Variants in EYS observed in about 807,000 individuals in gnomAD.
EYS encodes the protein EGF-like photoreceptor maintenance factor, also known as protein eyes shut homolog.
Under a neutral mutation model 282.1 loss-of-function variants are expected in EYS, and 250 were observed. The ratio of observed to expected loss-of-function variants is 0.89; its 90% CI spans 0.80 to 0.98. EYS has a LOEUF of 0.98. EYS is among the 50% of genes least tolerant of loss of function. The pLI, the probability that EYS is intolerant of heterozygous loss-of-function variation, is 0.00. For missense variants in EYS, 4,016 were observed against 3,709.0 expected, an observed-to-expected ratio of 1.08 and a Z score of -2.15; for synonymous variants, 1,355 against 1,282.9, an observed-to-expected ratio of 1.06 and a Z score of -1.20.
chr6:64,752,763 G>A (rs961758606), intron 22 of EYS, among the ~76,000 whole-genome samples: 2 of 152,084 alleles, frequency 1.3e-5, no homozygotes, highest in East Asian at 1.9e-4. Flanking sequence ...AGAGTAAAGT[G>A]TTTAATCACC....
At chr6:65,290,351 T>G (rs193254600) in intron 12 of EYS, among the ~76,000 whole-genome samples, 1 of 151,252 alleles carries the variant, frequency 6.6e-6, no homozygotes, top group Non-Finnish European at 1.5e-5. Flanking sequence ...GTCTAACTAT[T>G]ATAAGAGAAA....
At chr6:65,035,918 T>C (rs1054453075) in intron 13 of EYS, among the ~76,000 whole-genome samples, 1 of 147,576 alleles carries the variant, frequency 6.8e-6, no homozygotes, top group African/African-American at 2.5e-5. Context: ...ATTATAGTGT[T>C]ATATATTATA....
chr6:63,856,306 C>A (rs1038705555), intron 36 of EYS, among the ~76,000 whole-genome samples: 1 of 152,156 alleles, frequency 6.6e-6, no homozygotes, highest in Non-Finnish European at 1.5e-5. Flanking sequence ...TCAGGAGAGA[C>A]CACTCTGCCT....
At chr6:65,376,848 T>C (rs1197330695) in intron 8 of EYS, among the ~76,000 whole-genome samples, 3 of 152,018 alleles carry the variant, frequency 2.0e-5, no homozygotes, top group Non-Finnish European at 4.4e-5. Flanking sequence ...ATGCACCCAA[T>C]ACAAAAGTGC....
intron 32 of EYS, 45 bp from the exon 33 acceptor site, chr6:64,066,536 T>C (rs966573141): frequency 1.5e-6 from 2 of 1,290,614 alleles, no homozygotes; most frequent in Non-Finnish European, 2.1e-6. Context: ...TAGATTTATA[T>C]TTTATTGGTT....
At chr6:64,734,828 A>G (rs182455706) in intron 22 of EYS, among the ~76,000 whole-genome samples, 102 of 152,282 alleles carry the variant, frequency 6.7e-4, no homozygotes, top group Admixed American at 3.1e-3. Context: ...GATTTTTCTT[A>G]ATTTTAATAT....
chr6:65,045,872 A>T (rs1773086030), intron 13 of EYS, among the ~76,000 whole-genome samples: 1 of 151,834 alleles, frequency 6.6e-6, no homozygotes. Context: ...ACAGCTAGGG[A>T]TGTAGTTGGT....
At chr6:64,247,538 G>A (rs909855807) in intron 30 of EYS, among the ~76,000 whole-genome samples, 5 of 151,956 alleles carry the variant, frequency 3.3e-5, no homozygotes. Flanking sequence ...AACCAAAAAG[G>A]ACTTCTAAAT....
chr6:65,555,401 G>A (rs1458926280), intron 2 of EYS, among the ~76,000 whole-genome samples: 3 of 151,856 alleles, frequency 2.0e-5, no homozygotes, highest in African/African-American at 7.3e-5. Flanking sequence ...GCATATGACT[G>A]CTTAAATGAT....
chr6:65,272,531 A>T (rs964528094), intron 12 of EYS, among the ~76,000 whole-genome samples: 2 of 152,176 alleles, frequency 1.3e-5, no homozygotes, highest in African/African-American at 4.8e-5. Flanking sequence ...ATCATGTTCC[A>T]GAGTCAATTC....
chr6:64,058,330 G>A (rs1771054438), intron 33 of EYS, among the ~76,000 whole-genome samples: 1 of 151,790 alleles, frequency 6.6e-6, no homozygotes, highest in South Asian at 2.1e-4. Context: ...TTATTCTAAA[G>A]AAGTTAATTG....
intron 31 of EYS, among the ~76,000 whole-genome samples, chr6:64,101,289 T>C (rs904775293): frequency 6.6e-6 from 1 of 152,158 alleles, no homozygotes; most frequent in African/African-American, 2.4e-5. Flanking sequence ...TTTTGAAGAT[T>C]GTGTAGATTA....
At chr6:64,512,032 GC>G (rs1412795438) in intron 26 of EYS, among the ~76,000 whole-genome samples, 1 of 151,866 alleles carries the variant, frequency 6.6e-6, no homozygotes, top group Admixed American at 6.6e-5. Context: ...AACCTCTTCA[GC>G]TTTTTCCCTC....
At chr6:64,539,429 T>C (rs1456988859) in intron 26 of EYS, among the ~76,000 whole-genome samples, 2 of 152,078 alleles carry the variant, frequency 1.3e-5, no homozygotes, top group African/African-American at 2.4e-5. Flanking sequence ...AAAATAATCA[T>C]CTGGGTGTGG....
Position 65,202,778 on chromosome 6 carries a change from T to A in EYS, c.2023+93085A>T, listed in dbSNP as rs1214520243. ...ACAAATGGTTTTGGGTCAGACTAAC[T>A]TGTAGGGCCAGTTGCCAGAGTGGAT... On this transcript the variant is annotated intron_variant, in intron 12 of 42. Coordinates refer to ENST00000503581, the MANE Select transcript of EYS (RefSeq NM_001142800.2). 2.0e-5 allele frequency among the ~76,000 whole-genome samples: 3 copies of A among 152,006 alleles called. No homozygotes were observed. In the East Asian group the frequency reaches 5.8e-4, roughly 29 times the overall value.
intron 31 of EYS, among the ~76,000 whole-genome samples, chr6:64,193,981 A>G (rs1765200241): frequency 6.6e-6 from 1 of 152,178 alleles, no homozygotes; most frequent in African/African-American, 2.4e-5. Flanking sequence ...GTGTCTTTAT[A>G]GCAGCATGAT....
chr6:63,886,814 T>A (rs1773272460), intron 35 of EYS, among the ~76,000 whole-genome samples: 1 of 152,142 alleles, frequency 6.6e-6, no homozygotes, highest in Non-Finnish European at 1.5e-5. Flanking sequence ...CTGACATTTT[T>A]CAAAAGTGCA....
chr6:65,494,532 C>T (rs989359949), intron 4 of EYS, 131 bp downstream of exon 4: 14 of 772,756 alleles, frequency 1.8e-5, no homozygotes, highest in Non-Finnish European at 2.7e-5. Context: ...CCACCCACCT[C>T]GGCCTCCCAA....
At chr6:64,960,270 G>A (rs1160220652) in intron 14 of EYS, among the ~76,000 whole-genome samples, 1 of 151,868 alleles carries the variant, frequency 6.6e-6, no homozygotes, top group African/African-American at 2.4e-5. Context: ...TGATTATGTA[G>A]AATATGTAAA....
Sources: allele counts gnomAD v4.1 joint callset (sites outside exome capture counted in the v4.1 genomes callset), GRCh38; gene constraint gnomAD v4.1.1; transcripts MANE v1.5; gene names NCBI Gene and HGNC (gene_info 2026-07-23, HGNC 2026-07-21).